PPIL2: variants seen among roughly 807,000 people sequenced by gnomAD.
PPIL2 encodes the protein peptidylprolyl isomerase like 2.
PPIL2 carries 50 observed loss-of-function variants against 75.2 expected under a neutral mutation model. The ratio of observed to expected loss-of-function variants is 0.66; its 90% confidence interval spans 0.53 to 0.84. PPIL2 has a LOEUF of 0.84. Ranked by LOEUF, PPIL2 falls within the 40% of genes least tolerant of loss-of-function variation. The probability of loss-of-function intolerance (pLI) is 0.00; values close to 1 mark genes in which losing one functional copy is unlikely to be tolerated. For missense variants in PPIL2, 590 were observed against 685.0 expected, an observed-to-expected ratio of 0.86 and a Z score of 1.55; for synonymous variants, 245 against 258.8, an observed-to-expected ratio of 0.95 and a Z score of 0.51.
At position 21,696,484 on chromosome 22, in the gene PPIL2, G is replaced by A; in HGVS notation, c.*994G>A. 1 of 1,237,520 alleles carries A rather than the reference G, an allele frequency of 8.1e-7. No homozygotes were observed. The highest frequency in any genetic ancestry group is 1.0e-6 in the Non-Finnish European group (1 of 976,504). 76.7% of individuals were successfully genotyped at this position (1,237,520 alleles called of 1,614,324 possible). A position where few individuals can be genotyped will look rare whatever the true frequency, so the allele number is the denominator to read the frequency against. On this transcript the variant is annotated 3_prime_UTR_variant, in exon 20 of 20. Transcript: ENST00000398831. Reference sequence around the variant, plus strand: ...TGACTCTGATGGCCTTGGGCCAGCTGCATCAGCAGCCCTTAAAGAAAGACC... The same window carrying A: ...TGACTCTGATGGCCTTGGGCCAGCTACATCAGCAGCCCTTAAAGAAAGACC...
At position 21,696,641 on chromosome 22, in the gene PPIL2, G is replaced by C. The variant is rs979660007; in HGVS notation, c.*1151G>C. On this transcript the variant is annotated 3_prime_UTR_variant, in exon 20 of 20. Coordinates refer to ENST00000398831, the MANE Select transcript of PPIL2 (RefSeq NM_014337.4). ...CTGACACTTGCCTCTTGGGCTCCCTGTTGCCCTCAGGCCACCCCCCACTTC... is the reference window on the plus strand; with the variant it reads ...CTGACACTTGCCTCTTGGGCTCCCTCTTGCCCTCAGGCCACCCCCCACTTC... 1.2e-5 allele frequency: 18 copies of C among 1,513,782 alleles called. No individual in the cohort carries two copies. The East Asian group carries it at 1.5e-4, about 12-fold the overall frequency. 93.8% of individuals were successfully genotyped at this position (1,513,782 alleles called of 1,614,324 possible). A position where few individuals can be genotyped will look rare whatever the true frequency, so the allele number is the denominator to read the frequency against.
chr22:21,694,701 G>A (rs780319469), intron 17 of PPIL2, 36 bp downstream of exon 17: 16 of 1,613,168 alleles, frequency 9.9e-6, no homozygotes, highest in African/African-American at 1.3e-5. Context: ...GGCGGCTGGG[G>A]GCCAGGCAGG....
intron 12 of PPIL2, among the ~76,000 whole-genome samples, chr22:21,687,382 G>A (rs1307412776): frequency 1.3e-5 from 2 of 152,018 alleles, no homozygotes; most frequent in Non-Finnish European, 2.9e-5. Context: ...GGGGAAACCC[G>A]TCTCTACTAA....
intron 14 of PPIL2, among the ~76,000 whole-genome samples, 171 bp downstream of exon 14, chr22:21,688,277 C>A (rs1036671524): frequency 1.3e-5 from 2 of 152,208 alleles, no homozygotes; most frequent in Non-Finnish European, 2.9e-5. Context: ...TCAGTTTTCT[C>A]ATTTCCAGGT....
intron 4 of PPIL2, among the ~76,000 whole-genome samples, chr22:21,671,862 G>A (rs2066646089): frequency 6.6e-6 from 1 of 152,070 alleles, no homozygotes; most frequent in Admixed American, 6.6e-5. Flanking sequence ...ACCAGCCTGG[G>A]CAACATGGTG....
intron 12 of PPIL2, among the ~76,000 whole-genome samples, 185 bp downstream of exon 12, chr22:21,687,183 C>T (rs1439784731): frequency 2.0e-5 from 3 of 152,152 alleles, no homozygotes; most frequent in South Asian, 4.1e-4. Flanking sequence ...GCATGGCCTG[C>T]GCACAGGTGC....
At chr22:21,692,455 A>C (rs1046489763) in intron 15 of PPIL2, among the ~76,000 whole-genome samples, 4 of 151,570 alleles carry the variant, frequency 2.6e-5, no homozygotes, top group Non-Finnish European at 5.9e-5. Context: ...TGCCTGGCCA[A>C]TCCTGACAAT....
intron 19 of PPIL2, 85 bp from the exon 20 acceptor site, chr22:21,695,309 C>A: frequency 6.8e-7 from 1 of 1,474,856 alleles, no homozygotes; most frequent in South Asian, 1.2e-5. Context: ...GTTGGGCCTA[C>A]ACCGGGAGGG....
downstream of PPIL2, chr22:21,697,919 A>G (rs2068001365): frequency 6.6e-6 from 1 of 151,668 alleles, no homozygotes; most frequent in Admixed American, 6.6e-5. Context: ...TCTTATTTTC[A>G]ATTCTAATAT....
At chr22:21,677,122 C>T (rs990772630) in intron 6 of PPIL2, among the ~76,000 whole-genome samples, 7 of 151,822 alleles carry the variant, frequency 4.6e-5, no homozygotes, top group African/African-American at 1.2e-4. Context: ...AGGGGCTCCT[C>T]GCTTCTCAGA....
chr22:21,695,397 G>C lies in PPIL2; in HGVS notation c.1470G>C (p.Lys490Asn). ...VGKYINPAATKRAAEEEPSTS... is the reference protein window; with the variant it reads ...VGKYINPAATNRAAEEEPSTS... Reference sequence around the variant, plus strand: ...CAGCGGCTTCTTCTCTTCCCAGGAAGCGAGCAGCAGAGGAAGAGCCCTCAA... The same window carrying C: ...CAGCGGCTTCTTCTCTTCCCAGGAACCGAGCAGCAGAGGAAGAGCCCTCAA... Residue 490 changes from lysine to asparagine, a missense_variant, in exon 20 of 20, where the codon AAG (lysine) becomes AAC (asparagine). Transcript: ENST00000398831. 6.2e-7 allele frequency: 1 copy of C among 1,606,552 alleles called. No homozygotes were observed. The highest frequency in any genetic ancestry group is 8.5e-7 in the Non-Finnish European group (1 of 1,176,596).
chr22:21,672,265 A>G lies in PPIL2; in HGVS notation c.192-65A>G, dbSNP rs982262864. ...AACCTGGAAGCAGCCCTGCAAGACC[A>G]CAGTGTTGTTACCAGGTGGCGCCTA... is the stretch of plus-strand genomic sequence containing the variant. On this transcript the variant is annotated intron_variant, in intron 4 of 19. Coordinates refer to ENST00000398831, the MANE Select transcript of PPIL2 (RefSeq NM_014337.4). The G allele has an allele frequency of 2.8e-6, 4 of 1,426,716 alleles. No homozygotes were observed. The African/African-American group carries it at 5.6e-5, about 20-fold the overall frequency. 88.4% of individuals were successfully genotyped at this position (1,426,716 alleles called of 1,614,324 possible).
At chr22:21,691,291 T>C (rs2067622133) in intron 15 of PPIL2, among the ~76,000 whole-genome samples, 1 of 152,192 alleles carries the variant, frequency 6.6e-6, no homozygotes, top group African/African-American at 2.4e-5. Flanking sequence ...GGACAACTGT[T>C]GCCAAAGGTT....
chr22:21,677,020 C>T (rs1343331043), intron 6 of PPIL2, among the ~76,000 whole-genome samples: 20 of 150,062 alleles, frequency 1.3e-4, no homozygotes, highest in South Asian at 4.2e-4. Flanking sequence ...GGCGGCTGGC[C>T]GGGCGGGGGC....
chr22:21,677,566 G>A (rs1403403780), intron 6 of PPIL2, among the ~76,000 whole-genome samples: 3 of 152,320 alleles, frequency 2.0e-5, no homozygotes, highest in Non-Finnish European at 2.9e-5. Flanking sequence ...GCGTGGCGGC[G>A]CGCGCCTGCA....
intron 11 of PPIL2, 28 bp from the exon 12 acceptor site, chr22:21,686,864 G>A: frequency 1.2e-6 from 2 of 1,609,384 alleles, no homozygotes; most frequent in Non-Finnish European, 1.7e-6. Context: ...GGTGAGGGCA[G>A]GGGCTGAGCT....
chr22:21,677,700 G>A (rs1431645228), intron 6 of PPIL2, among the ~76,000 whole-genome samples: 6 of 151,866 alleles, frequency 4.0e-5, no homozygotes, highest in Admixed American at 1.3e-4. Flanking sequence ...AGCGGGAGCG[G>A]GAGAGGGAGA....
In PPIL2 at chr22:21,697,148, T is replaced by TAAGA. The variant is rs2067969922; in HGVS notation, c.*1659_*1662dup. ...TGCAGCCCTGGCAGTAACTGGCTTG[T>TAAGA]AAGAGGCTCAGACACCAAGCTGGGC... On this transcript the variant is annotated 3_prime_UTR_variant, in exon 20 of 20. Coordinates refer to ENST00000398831, the MANE Select transcript of PPIL2 (RefSeq NM_014337.4). 1.3e-6 allele frequency: 1 copy of TAAGA among 750,550 alleles called. No homozygotes were observed. Among genetic ancestry groups the TAAGA allele is most frequent in the Admixed American group, 2.8e-5 (1 of 35,744 alleles). The allele number at this position is 750,550 out of a possible 1,614,324, so 46.5% of individuals were successfully genotyped here. A position where few individuals can be genotyped will look rare whatever the true frequency, so the allele number is the denominator to read the frequency against.
chr22:21,667,642 C>T (rs1317397122), intron 1 of PPIL2, among the ~76,000 whole-genome samples: 1 of 152,092 alleles, frequency 6.6e-6, no homozygotes, highest in Non-Finnish European at 1.5e-5. Flanking sequence ...TCATACGTTT[C>T]TTTTCCATAA....
Sources: allele counts gnomAD v4.1 joint callset (sites outside exome capture counted in the v4.1 genomes callset), GRCh38; gene constraint gnomAD v4.1.1; transcripts MANE v1.5; gene names NCBI Gene and HGNC (gene_info 2026-07-23, HGNC 2026-07-21).